The following DNAJC3 variants were observed in gnomAD, a reference collection of about 807,000 sequenced individuals.
The protein encoded by DNAJC3 is DnaJ heat shock protein family (Hsp40) member C3.
Under a neutral mutation model 68.6 loss-of-function variants are expected in DNAJC3, and 38 were observed. The ratio of observed to expected loss-of-function variants is 0.55; its 90% CI spans 0.43 to 0.73. The LOEUF is 0.73. Among genes scored for constraint, DNAJC3 ranks in the 30% least tolerant of loss-of-function variants. The pLI is 0.00. For synonymous variants in DNAJC3, 203 were observed against 204.0 expected, an observed-to-expected ratio of 1.00 and a Z score of 0.04; for missense variants, 526 against 591.9, an observed-to-expected ratio of 0.89 and a Z score of 1.16.
intron 4 of DNAJC3, among the ~76,000 whole-genome samples, chr13:95,744,319 T>G (rs183628846): frequency 1.3e-5 from 2 of 152,358 alleles, no homozygotes; most frequent in Admixed American, 1.3e-4. Flanking sequence ...CACCTTGTAC[T>G]TAATTCTATG....
chr13:95,721,380 T>A (rs938429192), intron 2 of DNAJC3, among the ~76,000 whole-genome samples: 22 of 152,206 alleles, frequency 1.4e-4, no homozygotes, highest in African/African-American at 5.1e-4. Flanking sequence ...AACATGTGTG[T>A]TTGAATGCAT....
At chr13:95,696,946 C>G (rs1880457343) in intron 1 of DNAJC3, among the ~76,000 whole-genome samples, 1 of 152,030 alleles carries the variant, frequency 6.6e-6, no homozygotes, top group African/African-American at 2.4e-5. Flanking sequence ...GGGGTTTCAC[C>G]GAGTTAGCCA....
chr13:95,729,181 T>TTCTC (rs34173455), intron 4 of DNAJC3, among the ~76,000 whole-genome samples: 1,843 of 134,680 alleles, frequency 0.014, 45 homozygotes, highest in African/African-American at 0.048. Context: ...CATTCACTCA[T>TTCTC]TCTCTCTCTC....
intron 1 of DNAJC3, among the ~76,000 whole-genome samples, chr13:95,706,783 A>G (rs900054512): frequency 2.6e-5 from 4 of 152,198 alleles, no homozygotes; most frequent in African/African-American, 7.2e-5. Context: ...TAAGGATTCC[A>G]TTCTTTACTA....
chr13:95,692,231 G>GA (rs1484097856), intron 1 of DNAJC3, among the ~76,000 whole-genome samples: 2 of 152,158 alleles, frequency 1.3e-5, no homozygotes, highest in Non-Finnish European at 2.9e-5. Flanking sequence ...ACACAGATGA[G>GA]AAAAATGTAT....
chr13:95,757,786 A>G lies in DNAJC3; in HGVS notation c.536A>G (p.Lys179Arg). The change falls in exon 5 of 12, where the codon AAG becomes AGG. Residue 179 changes from lysine to arginine, a missense_variant. Coordinates refer to ENST00000602402, the MANE Select transcript of DNAJC3 (RefSeq NM_006260.5). Reference protein sequence around the residue: ...DYTAAIAFLDKILEVCVWDAE... With the variant: ...DYTAAIAFLDRILEVCVWDAE... Reference sequence around the variant, plus strand: ...ACTGCTGCTATAGCCTTCCTTGATAAGATTTTAGAGGTAAGTTTCTTAGAT... The same window carrying G: ...ACTGCTGCTATAGCCTTCCTTGATAGGATTTTAGAGGTAAGTTTCTTAGAT... The G allele has an allele frequency of 6.5e-7, 1 of 1,539,160 alleles. No homozygotes were observed. Among genetic ancestry groups the G allele is most frequent in the Non-Finnish European group, 8.9e-7 (1 of 1,125,630 alleles).
rs747275858 is a variant in DNAJC3, at chr13:95,791,086, T to C, written c.*56T>C. The C allele has an allele frequency of 4.9e-5, 78 of 1,588,714 alleles. No homozygotes were observed. The highest frequency in any genetic ancestry group is 6.2e-5 in the Non-Finnish European group (73 of 1,168,246). On this transcript the variant is annotated 3_prime_UTR_variant, in exon 12 of 12. Coordinates refer to ENST00000602402, the MANE Select transcript of DNAJC3 (RefSeq NM_006260.5). ...TTTAAAGATTAAAAACAAAGAAATC[T>C]TGTTCCGGGACCCTAATGAAAAAAA...
chr13:95,730,686 C>A (rs1881682175), intron 4 of DNAJC3, among the ~76,000 whole-genome samples: 1 of 152,092 alleles, frequency 6.6e-6, no homozygotes, highest in African/African-American at 2.4e-5. Context: ...GGTTTTATAC[C>A]AATACCATGC....
intron 1 of DNAJC3, among the ~76,000 whole-genome samples, chr13:95,683,420 C>G (rs1475497042): frequency 6.6e-6 from 1 of 152,098 alleles, no homozygotes; most frequent in African/African-American, 2.4e-5. Context: ...TCCCCCAGAG[C>G]TGTTATTGTG....
intron 9 of DNAJC3, among the ~76,000 whole-genome samples, chr13:95,765,567 G>GGT (rs1882968282): frequency 3.9e-5 from 4 of 102,348 alleles, no homozygotes; most frequent in Non-Finnish European, 4.0e-5. Context: ...TAATTGATCT[G>GGT]TTTTTTTTTT....
intron 1 of DNAJC3, among the ~76,000 whole-genome samples, chr13:95,688,927 G>GGGGTGTGT (rs1555321769): frequency 9.3e-5 from 12 of 129,670 alleles, no homozygotes; most frequent in African/African-American, 2.8e-4. Context: ...TGATTGTGTG[G>GGGGTGTGT]GTGTGTGTGT....
At chr13:95,696,934 A>G (rs1880457056) in intron 1 of DNAJC3, among the ~76,000 whole-genome samples, 1 of 151,836 alleles carries the variant, frequency 6.6e-6, no homozygotes, top group Non-Finnish European at 1.5e-5. Flanking sequence ...TTTAGTAGAG[A>G]TGGGGTTTCA....
At chr13:95,720,119 A>G (rs1881276208) in intron 2 of DNAJC3, among the ~76,000 whole-genome samples, 1 of 152,150 alleles carries the variant, frequency 6.6e-6, no homozygotes. Context: ...GCTTAGGGTT[A>G]GGTGCAGTAA....
intron 4 of DNAJC3, among the ~76,000 whole-genome samples, chr13:95,752,760 A>G (rs1234458105): frequency 2.0e-5 from 3 of 152,160 alleles, no homozygotes; most frequent in African/African-American, 4.8e-5. Flanking sequence ...AAAGGGCACT[A>G]AGGAATCCCA....
At chr13:95,690,927 C>T (rs1483988561) in intron 1 of DNAJC3, among the ~76,000 whole-genome samples, 3 of 135,246 alleles carry the variant, frequency 2.2e-5, no homozygotes, top group Non-Finnish European at 3.2e-5. Flanking sequence ...GCTGACCCCC[C>T]CCACCTCCCT....
At chr13:95,726,370 A>G (rs903321955) in intron 4 of DNAJC3, among the ~76,000 whole-genome samples, 2 of 152,104 alleles carry the variant, frequency 1.3e-5, no homozygotes, top group African/African-American at 4.8e-5. Context: ...TGCCATTCCA[A>G]CTGGTGTGAG....
chr13:95,696,965 T>C (rs1394848769), intron 1 of DNAJC3, among the ~76,000 whole-genome samples: 2 of 152,172 alleles, frequency 1.3e-5, no homozygotes, highest in Non-Finnish European at 2.9e-5. Context: ...CAGTGTCTTG[T>C]TTTTTTATCC....
At chr13:95,718,628 T>A (rs1196370376) in intron 2 of DNAJC3, among the ~76,000 whole-genome samples, 3 of 152,216 alleles carry the variant, frequency 2.0e-5, no homozygotes, top group Admixed American at 6.5e-5. Context: ...CTCGAACTCC[T>A]GGCCTCAAGT....
intron 1 of DNAJC3, among the ~76,000 whole-genome samples, chr13:95,704,645 T>C (rs1423032521): frequency 6.6e-6 from 1 of 152,146 alleles, no homozygotes; most frequent in Middle Eastern, 3.2e-3. Context: ...GGCAAATTCA[T>C]ATCTGGAATA....
Sources: allele counts gnomAD v4.1 joint callset (sites outside exome capture counted in the v4.1 genomes callset), GRCh38; gene constraint gnomAD v4.1.1; transcripts MANE v1.5; gene names NCBI Gene and HGNC (gene_info 2026-07-23, HGNC 2026-07-21).